The following NALF1 variants were observed in gnomAD, a reference collection of about 807,000 sequenced individuals.
The protein encoded by NALF1 is family with sequence similarity 155 member A.
Under a neutral mutation model 48.4 loss-of-function variants are expected in NALF1, and 3 were observed. The ratio of observed to expected loss-of-function variants is 0.06; its 90% CI spans 0.03 to 0.16. The LOEUF (loss-of-function observed/expected upper bound fraction) is 0.16, where lower values mean the gene tolerates loss of function less well. Among genes scored for constraint, NALF1 ranks in the 10% least tolerant of loss-of-function variants. The pLI, the probability that NALF1 is intolerant of heterozygous loss-of-function variation, is 1.00. For missense variants in NALF1, 526 were observed against 571.5 expected, an observed-to-expected ratio of 0.92 and a Z score of 0.81; for synonymous variants, 262 against 245.7, an observed-to-expected ratio of 1.07 and a Z score of -0.62.
chr13:107,424,906 T>A (rs1884253798), intron 1 of NALF1, among the ~76,000 whole-genome samples: 1 of 152,218 alleles, frequency 6.6e-6, no homozygotes, highest in Non-Finnish European at 1.5e-5. Context: ...TTGGTATACT[T>A]GTCTATGTTC....
At chr13:107,298,012 G>A (rs770476470) in intron 1 of NALF1, among the ~76,000 whole-genome samples, 2 of 152,038 alleles carry the variant, frequency 1.3e-5, no homozygotes, top group Non-Finnish European at 2.9e-5. Flanking sequence ...CTCCCATACT[G>A]TATTCAAAAC....
chr13:107,726,279 A>C (rs1876147292), intron 1 of NALF1, among the ~76,000 whole-genome samples: 1 of 152,104 alleles, frequency 6.6e-6, no homozygotes, highest in South Asian at 2.1e-4. Context: ...TTTCATATTT[A>C]CCAAATAGGT....
intron 1 of NALF1, among the ~76,000 whole-genome samples, chr13:107,502,572 C>G (rs892888109): frequency 6.6e-6 from 1 of 152,162 alleles, no homozygotes; most frequent in South Asian, 2.1e-4. Context: ...ATTCTAAACT[C>G]CTTAACCCTT....
At chr13:107,762,547 G>A (rs1404669185) in intron 1 of NALF1, among the ~76,000 whole-genome samples, 2 of 152,262 alleles carry the variant, frequency 1.3e-5, no homozygotes, top group East Asian at 3.9e-4. Context: ...ATGGGAACTA[G>A]AAAGACATTG....
At chr13:107,387,578 C>T (rs1330847455) in intron 1 of NALF1, among the ~76,000 whole-genome samples, 2 of 152,072 alleles carry the variant, frequency 1.3e-5, no homozygotes, top group Admixed American at 6.6e-5. Flanking sequence ...AAATGAACCC[C>T]CACCTCCCAA....
chr13:107,693,697 C>T (rs2138506193), intron 1 of NALF1, among the ~76,000 whole-genome samples: 1 of 151,902 alleles, frequency 6.6e-6, no homozygotes, highest in East Asian at 1.9e-4. Flanking sequence ...ACTATATCGC[C>T]ATTCTAATTG....
At chr13:107,535,841 A>G (rs1451261980) in intron 1 of NALF1, among the ~76,000 whole-genome samples, 2 of 152,208 alleles carry the variant, frequency 1.3e-5, no homozygotes, top group African/African-American at 2.4e-5. Flanking sequence ...ACAAGGCTAC[A>G]GTAACCAAAA....
intron 1 of NALF1, among the ~76,000 whole-genome samples, chr13:107,695,197 T>C (rs983284813): frequency 6.6e-6 from 1 of 152,182 alleles, no homozygotes; most frequent in Non-Finnish European, 1.5e-5. Context: ...ATAGAACCTA[T>C]AACTATATTT....
chr13:107,544,898 G>T (rs1877094757), intron 1 of NALF1, among the ~76,000 whole-genome samples: 1 of 152,136 alleles, frequency 6.6e-6, no homozygotes, highest in Admixed American at 6.6e-5. Flanking sequence ...GAACAGAATG[G>T]AGATCACCGT....
intron 1 of NALF1, among the ~76,000 whole-genome samples, chr13:107,224,258 C>G (rs1424519622): frequency 5.3e-5 from 8 of 151,448 alleles, no homozygotes; most frequent in Admixed American, 6.6e-5. Flanking sequence ...CTGAAATATG[C>G]AAAAATCAAA....
At chr13:107,385,681 A>G (rs1277746158) in intron 1 of NALF1, among the ~76,000 whole-genome samples, 1 of 152,194 alleles carries the variant, frequency 6.6e-6, no homozygotes, top group East Asian at 1.9e-4. Context: ...ATAACAAGGT[A>G]TGCGGCTATT....
At chr13:107,490,331 C>T (rs1885395260) in intron 1 of NALF1, among the ~76,000 whole-genome samples, 1 of 152,110 alleles carries the variant, frequency 6.6e-6, no homozygotes, top group Admixed American at 6.6e-5. Flanking sequence ...CCTAAATGCC[C>T]ATCAGTGATA....
At chr13:107,507,865 T>C (rs1190122909) in intron 1 of NALF1, among the ~76,000 whole-genome samples, 1 of 152,140 alleles carries the variant, frequency 6.6e-6, no homozygotes, top group African/African-American at 2.4e-5. Flanking sequence ...AGACTAAATG[T>C]TGCTCAAAGT....
intron 2 of NALF1, 33 bp downstream of exon 2, chr13:107,210,551 G>C (rs767497399): frequency 3.4e-6 from 5 of 1,483,416 alleles, no homozygotes; most frequent in Non-Finnish European, 4.7e-6. Context: ...AACCACCGGA[G>C]ACTGGTGTAC....
intron 1 of NALF1, among the ~76,000 whole-genome samples, chr13:107,331,624 A>C (rs184267278): frequency 1.5e-4 from 23 of 152,314 alleles, no homozygotes; most frequent in Non-Finnish European, 3.2e-4. Context: ...CCAGCATTAG[A>C]ATTTTGTTCT....
Position 107,213,650 on chromosome 13 carries a change from G to A in NALF1, c.916-2895C>T, listed in dbSNP as rs1193339117. On this transcript the variant is annotated intron_variant, in intron 1 of 2. Transcript: ENST00000375915. ...TAACTAAAGTCTTTATCTTCTCTGT[G>A]TAGATGTGTTTACAATAAAAGAGGC... Among the ~76,000 whole-genome samples the A allele has an allele frequency of 9.9e-5, 15 of 152,280 alleles. 1 individual carries two copies. The highest frequency in any genetic ancestry group is 9.2e-4 in the Admixed American group (14 of 15,296).
chr13:107,445,775 G>A (rs368479441), intron 1 of NALF1, among the ~76,000 whole-genome samples: 10 of 152,030 alleles, frequency 6.6e-5, no homozygotes, highest in South Asian at 2.1e-4. Context: ...ATATATCATC[G>A]TAGTGTTATC....
At chr13:107,487,242 T>C (rs112342749) in intron 1 of NALF1, among the ~76,000 whole-genome samples, 1 of 152,082 alleles carries the variant, frequency 6.6e-6, no homozygotes, top group Admixed American at 6.6e-5. Context: ...TATTTGAAAA[T>C]TATCTGGAGT....
intron 1 of NALF1, among the ~76,000 whole-genome samples, chr13:107,459,985 G>A (rs549576551): frequency 2.1e-4 from 32 of 152,250 alleles, no homozygotes; most frequent in Admixed American, 2.0e-3. Context: ...CAAGGGAGAC[G>A]CCATCCTTGG....
Sources: gnomAD v4.1 joint callset for allele counts (sites outside exome capture counted in the v4.1 genomes callset) on GRCh38, gnomAD v4.1.1 for gene constraint, MANE v1.5 for transcripts, NCBI Gene and HGNC (gene_info 2026-07-23, HGNC 2026-07-21) for gene names.